The following MYLK variants were observed in gnomAD, a reference collection of about 807,000 sequenced individuals.
MYLK encodes the protein myosin light chain kinase, smooth muscle.
MYLK carries 106 observed loss-of-function variants against 203.4 expected under a neutral mutation model. The ratio of observed to expected loss-of-function variants is 0.52; its 90% CI spans 0.45 to 0.61. MYLK has a LOEUF of 0.61. Ranked by LOEUF, MYLK falls within the 20% of genes least tolerant of loss-of-function variation. The pLI is 0.00. For missense variants in MYLK, 2,072 were observed against 2,442.3 expected (o/e 0.85, Z 3.20); for synonymous variants, 867 against 959.5 (o/e 0.90, Z 1.78).
At chr3:123,725,606 A>G (rs1236334500) in intron 12 of MYLK, among the ~76,000 whole-genome samples, 1 of 152,194 alleles carries the variant, frequency 6.6e-6, no homozygotes, top group Non-Finnish European at 1.5e-5. Flanking sequence ...GTTTGGCCAT[A>G]AGAAAAGAAA....
intron 19 of MYLK, chr3:123,692,254 C>T: frequency 9.6e-7 from 1 of 1,047,082 alleles, no homozygotes; most frequent in African/African-American, 1.6e-5. Flanking sequence ...GCCCTGTCCT[C>T]TCTGTCCAGA....
intron 18 of MYLK, among the ~76,000 whole-genome samples, chr3:123,695,814 G>A (rs1291633834): frequency 4.8e-4 from 73 of 152,204 alleles, no homozygotes. Flanking sequence ...CTGGCCTGGA[G>A]ACAGGAAACA....
chr3:123,718,896 A>G (rs530527678), intron 13 of MYLK, among the ~76,000 whole-genome samples: 1 of 152,294 alleles, frequency 6.6e-6, no homozygotes, highest in South Asian at 2.1e-4. Context: ...AATGCCTGGC[A>G]CTGATCAATA....
chr3:123,772,449 T>C (rs910358153), intron 4 of MYLK, among the ~76,000 whole-genome samples: 1 of 151,984 alleles, frequency 6.6e-6, no homozygotes, highest in African/African-American at 2.4e-5. Context: ...CACAGAAACA[T>C]CCATTTTGAT....
chr3:123,870,587 C>T (rs1053328959), intron 2 of MYLK, among the ~76,000 whole-genome samples: 34 of 152,364 alleles, frequency 2.2e-4, no homozygotes, highest in African/African-American at 7.9e-4. Context: ...AAGAATACAA[C>T]TTGTCTGGAA....
In MYLK at chr3:123,640,824, C is replaced by T. The variant is rs573472590; in HGVS notation, c.4620-320G>A. Among the ~76,000 whole-genome samples the T allele has an allele frequency of 1.3e-5, 2 of 152,330 alleles. No individual in the cohort carries two copies. Among genetic ancestry groups the T allele is most frequent in the African/African-American group, 2.4e-5 (1 of 41,588 alleles). ...CTTAGCAAAAAGAGTGACCTCTAAA[C>T]AGTCTCTTTCCCTCAAATGACCACA... On this transcript the variant is annotated intron_variant, in intron 27 of 33. Coordinates refer to ENST00000360304, the MANE Select transcript of MYLK (RefSeq NM_053025.4). This position sits in a 1 kb window ranked among gnomAD's most constrained non-coding sequence, Gnocchi z 4.3.
intron 20 of MYLK, among the ~76,000 whole-genome samples, chr3:123,673,537 G>A (rs925460044): frequency 4.0e-5 from 6 of 151,842 alleles, no homozygotes; most frequent in Non-Finnish European, 7.4e-5. Flanking sequence ...GTACCCTGTT[G>A]GTCAGTTCAG....
intron 2 of MYLK, among the ~76,000 whole-genome samples, 162 bp from the exon 3 acceptor site, chr3:123,831,832 G>A (rs921419464): frequency 6.6e-6 from 1 of 152,142 alleles, no homozygotes; most frequent in African/African-American, 2.4e-5. Flanking sequence ...CGTGTGGGGG[G>A]GTTATACGTT....
chr3:123,865,760 T>G (rs926711761), intron 2 of MYLK, among the ~76,000 whole-genome samples: 8 of 152,172 alleles, frequency 5.3e-5, no homozygotes, highest in African/African-American at 1.9e-4. Context: ...GGTCTCAAAA[T>G]CTTTGACACT....
intron 4 of MYLK, among the ~76,000 whole-genome samples, chr3:123,789,331 C>T (rs1474571411): frequency 6.6e-6 from 1 of 152,138 alleles, no homozygotes. Flanking sequence ...GCCCTTTGAC[C>T]CCGCCCCCCC....
chr3:123,710,639 C>T (rs774099122), intron 13 of MYLK, among the ~76,000 whole-genome samples: 1 of 152,170 alleles, frequency 6.6e-6, no homozygotes, highest in Non-Finnish European at 1.5e-5. Context: ...GCAGGTGGTA[C>T]AGAACCTTCT....
chr3:123,777,015 C>G (rs541212252), intron 4 of MYLK, among the ~76,000 whole-genome samples: 4 of 152,326 alleles, frequency 2.6e-5, no homozygotes, highest in African/African-American at 9.6e-5. Flanking sequence ...AAAGCAGAAC[C>G]ATAGGTAATT....
intron 2 of MYLK, among the ~76,000 whole-genome samples, chr3:123,853,047 C>G (rs972694693): frequency 6.6e-6 from 1 of 151,940 alleles, no homozygotes; most frequent in Non-Finnish European, 1.5e-5. Context: ...GCCTAGCACA[C>G]CTTATCTTGT....
At chr3:123,745,603 T>C (rs191482665) in intron 5 of MYLK, among the ~76,000 whole-genome samples, 41 of 152,302 alleles carry the variant, frequency 2.7e-4, no homozygotes, top group Admixed American at 2.2e-3. Flanking sequence ...CCAGTGCTTA[T>C]ATATACTAGG....
chr3:123,634,775 G>A (rs1363455221), intron 29 of MYLK, among the ~76,000 whole-genome samples: 1 of 152,202 alleles, frequency 6.6e-6, no homozygotes, highest in African/African-American at 2.4e-5. Flanking sequence ...CAGGAAGTAG[G>A]GGAGGGAGAC....
intron 11 of MYLK, among the ~76,000 whole-genome samples, chr3:123,730,816 T>C (rs1246722078): frequency 6.6e-6 from 1 of 152,152 alleles, no homozygotes; most frequent in Admixed American, 6.5e-5. Context: ...AGTGAAAATG[T>C]TCTGAAATCA....
At chr3:123,744,092 T>C (rs375486826) in intron 5 of MYLK, among the ~76,000 whole-genome samples, 34 of 152,126 alleles carry the variant, frequency 2.2e-4, no homozygotes, top group African/African-American at 8.0e-4. Flanking sequence ...TTAACTGATA[T>C]CCCCATGCGA....
chr3:123,774,417 C>T (rs2063991571), intron 4 of MYLK, among the ~76,000 whole-genome samples: 1 of 152,066 alleles, frequency 6.6e-6, no homozygotes, highest in Admixed American at 6.6e-5. Flanking sequence ...GTACAGGCTA[C>T]ATTATGCAAA....
rs1381540730 is a variant in MYLK, at chr3:123,610,851, CTT to C, written c.*3252_*3253del. The C allele has an allele frequency of 6.6e-6, 1 of 152,126 alleles. No homozygotes were observed. The highest frequency in any genetic ancestry group is 6.6e-5 in the Admixed American group (1 of 15,266). The allele number at this position is 152,126 out of a possible 1,614,324, so 9.4% of individuals were successfully genotyped here. On this transcript the variant is annotated 3_prime_UTR_variant, in exon 34 of 34. Transcript: ENST00000360304. ...AAACATTTTAACAAAAATAAAAAATCTTTACATAAATTTAGAGCTGACAACAG... is the reference window on the plus strand; with the variant it reads ...AAACATTTTAACAAAAATAAAAAATCTACATAAATTTAGAGCTGACAACAG...
Sources: allele counts gnomAD v4.1 joint callset (sites outside exome capture counted in the v4.1 genomes callset), GRCh38; gene constraint gnomAD v4.1.1; non-coding constraint Gnocchi (gnomAD v3.1); transcripts MANE v1.5; gene names NCBI Gene and HGNC (gene_info 2026-07-23, HGNC 2026-07-21).